FAHD1: variants seen among roughly 807,000 people sequenced by gnomAD.
The protein encoded by FAHD1 is oxaloacetate tautomerase FAHD1, mitochondrial.
Under a neutral mutation model 12.7 loss-of-function variants are expected in FAHD1, and 14 were observed. That is an observed-to-expected ratio of 1.10 (90% CI 0.73 to 1.72). The LOEUF is 1.72. Ranked by LOEUF, FAHD1 falls within the 40% of genes most tolerant of loss-of-function variation. FAHD1 has a pLI of 0.00. For missense variants in FAHD1, 351 were observed against 298.9 expected (o/e 1.17, Z -1.29); for synonymous variants, 153 against 124.9 (o/e 1.22, Z -1.50).
At chr16:1,838,450 G>C (rs966667370) in intron 2 of FAHD1, among the ~76,000 whole-genome samples, 1 of 152,126 alleles carries the variant, frequency 6.6e-6, no homozygotes, top group Non-Finnish European at 1.5e-5. Context: ...TTCATGAGCT[G>C]GTTTTAACAA....
exon 1 of FAHD1, chr16:1,827,528 G>T: frequency 6.2e-7 from 1 of 1,613,204 alleles, no homozygotes; most frequent in Non-Finnish European, 8.5e-7. Flanking sequence ...TATGCCCTGT[G>T]CCTGGATATG....
downstream of FAHD1, among the ~76,000 whole-genome samples, chr16:1,833,811 G>T (rs1032595239): frequency 6.6e-6 from 1 of 152,054 alleles, no homozygotes; most frequent in Non-Finnish European, 1.5e-5. Flanking sequence ...GCATCCCAAA[G>T]TGCTGGGATT....
chr16:1,828,899 G>A, exon 1 of FAHD1: 4 of 1,000,158 alleles, frequency 4.0e-6, no homozygotes, highest in Non-Finnish European at 4.8e-6. Flanking sequence ...AAATAAAGGT[G>A]CTCCCTTCTA....
chr16:1,829,472 C>T (rs1898584536), downstream of FAHD1, among the ~76,000 whole-genome samples: 1 of 152,112 alleles, frequency 6.6e-6, no homozygotes, highest in Non-Finnish European at 1.5e-5. Flanking sequence ...AGATGTAACC[C>T]AGCTCCCCCA....
At chr16:1,830,780 A>G (rs1898604846), downstream of FAHD1, among the ~76,000 whole-genome samples, 1 of 152,200 alleles carries the variant, frequency 6.6e-6, no homozygotes, top group Non-Finnish European at 1.5e-5. Flanking sequence ...TTAAAAACCA[A>G]TACAATGAAC....
chr16:1,832,927 C>T (rs1898650146), downstream of FAHD1, among the ~76,000 whole-genome samples: 1 of 152,140 alleles, frequency 6.6e-6, no homozygotes, highest in South Asian at 2.1e-4. Context: ...TGCATCCCTC[C>T]TCTGTGGCTG....
At chr16:1,827,741 A>G (rs770782031) in exon 1 of FAHD1, 35 of 1,614,022 alleles carry the variant, frequency 2.2e-5, no homozygotes, top group Non-Finnish European at 2.9e-5. Flanking sequence ...TCCATCCCCT[A>G]CATCATCAGC....
chr16:1,837,869 A>C, intron 1 of FAHD1: 1 of 1,503,776 alleles, frequency 6.6e-7, no homozygotes, highest in Non-Finnish European at 8.9e-7. Context: ...AAACTCATGT[A>C]CCTGGTTAAA....
chr16:1,827,312 C>T (rs1340860225), exon 1 of FAHD1: 1 of 1,613,126 alleles, frequency 6.2e-7, no homozygotes, highest in Non-Finnish European at 8.5e-7. Flanking sequence ...AGGAACTACG[C>T]GGACCACGTC....
chr16:1,838,737 G>A (rs750915010), intron 2 of FAHD1, among the ~76,000 whole-genome samples: 27 of 151,930 alleles, frequency 1.8e-4, no homozygotes, highest in Non-Finnish European at 3.5e-4. Context: ...TATCACTCAG[G>A]CTGGAGTGCA....
chr16:1,838,207 C>A (rs1898801067), intron 2 of FAHD1: 3 of 441,776 alleles, frequency 6.8e-6, no homozygotes, highest in Middle Eastern at 3.3e-4. Flanking sequence ...ACTATGTTGC[C>A]CAGGGTGATC....
At chr16:1,833,643 C>T (rs113176185), downstream of FAHD1, among the ~76,000 whole-genome samples, 3,030 of 150,224 alleles carry the variant, frequency 0.02, 81 homozygotes, top group African/African-American at 0.048. Flanking sequence ...CTCACTACAA[C>T]CTCCTCATCC....
At chr16:1,835,522 A>G (rs1898720429) in intron 1 of FAHD1, among the ~76,000 whole-genome samples, 1 of 152,200 alleles carries the variant, frequency 6.6e-6, no homozygotes, top group Admixed American at 6.5e-5. Context: ...AAGTACCAAC[A>G]TCAGGGAAAA....
At chr16:1,827,277 G>C (rs747732396) in exon 1 of FAHD1, 5 of 1,612,742 alleles carry the variant, frequency 3.1e-6, no homozygotes, top group African/African-American at 1.3e-5. Flanking sequence ...TCTGGGAGTG[G>C]GGAAAGAACA....
intron 1 of FAHD1, chr16:1,834,303 C>G (rs1191993049): frequency 3.1e-6 from 5 of 1,613,188 alleles, no homozygotes; most frequent in Non-Finnish European, 4.2e-6. Flanking sequence ...TCAGTAGGAT[C>G]TGCAAGCTTG....
chr16:1,833,229 C>T (rs913754256), downstream of FAHD1, among the ~76,000 whole-genome samples: 3 of 152,172 alleles, frequency 2.0e-5, no homozygotes, highest in South Asian at 2.1e-4. Flanking sequence ...TGGCAGCTGT[C>T]GTCCTCATGT....
chr16:1,838,934 C>T (rs539621165), intron 2 of FAHD1, among the ~76,000 whole-genome samples: 7 of 152,146 alleles, frequency 4.6e-5, no homozygotes, highest in Non-Finnish European at 5.9e-5. Context: ...TCAAGTGATC[C>T]GCCCTCCTTG....
chr16:1,838,929 T>C (rs1015301418), intron 2 of FAHD1, among the ~76,000 whole-genome samples: 2 of 152,206 alleles, frequency 1.3e-5, no homozygotes, highest in Admixed American at 6.5e-5. Context: ...TGACCTCAAG[T>C]GATCCGCCCT....
intron 1 of FAHD1, among the ~76,000 whole-genome samples, chr16:1,836,281 T>C (rs142012118): frequency 6.6e-6 from 1 of 152,364 alleles, no homozygotes; most frequent in Admixed American, 6.5e-5. Context: ...TGAATATTTG[T>C]TAAAGCCACC....
Sources: gnomAD v4.1 joint callset for allele counts (sites outside exome capture counted in the v4.1 genomes callset) on GRCh38, gnomAD v4.1.1 for gene constraint, MANE v1.5 for transcripts, NCBI Gene and HGNC (gene_info 2026-07-23, HGNC 2026-07-21) for gene names.